LRP1B: variants seen among roughly 807,000 people sequenced by gnomAD.
LRP1B encodes the protein low-density lipoprotein receptor-related protein 1B.
Under a neutral mutation model 556.6 loss-of-function variants are expected in LRP1B, and 217 were observed. The ratio of observed to expected loss-of-function variants is 0.39; its 90% confidence interval spans 0.35 to 0.44. The LOEUF (loss-of-function observed/expected upper bound fraction) is 0.44. Among genes scored for constraint, LRP1B ranks in the 20% least tolerant of loss-of-function variants. The pLI, the probability that LRP1B is intolerant of heterozygous loss-of-function variation, is 1.00. For synonymous variants in LRP1B, 2,047 were observed against 1,865.8 expected (o/e 1.10, Z -2.50); for missense variants, 5,053 against 5,620.8 (o/e 0.90, Z 3.23).
chr2:141,121,327 C>T (rs1331900152), intron 7 of LRP1B, among the ~76,000 whole-genome samples: 1 of 152,014 alleles, frequency 6.6e-6, no homozygotes, highest in Non-Finnish European at 1.5e-5. Flanking sequence ...TCATCCCATC[C>T]AACCTTCATC....
chr2:141,044,012 T>A (rs1698788176), intron 11 of LRP1B, among the ~76,000 whole-genome samples: 1 of 151,866 alleles, frequency 6.6e-6, no homozygotes, highest in African/African-American at 2.4e-5. Context: ...CTACCTGACT[T>A]CAAACTATAC....
chr2:141,419,993 G>A lies in LRP1B; in HGVS notation c.343+60403C>T, dbSNP rs115204662. Among the ~76,000 whole-genome samples the A allele has an allele frequency of 3.2e-3, 481 of 152,230 alleles. 2 individuals are homozygous for A. Among genetic ancestry groups the A allele is most frequent in the African/African-American group, 0.011 (459 of 41,526 alleles). On this transcript the variant is annotated intron_variant, in intron 3 of 90. Transcript: ENST00000389484. ...GAAAAGTGTGTATTCTGCTGCTGTT[G>A]GGTGGATTGTTCTGTGTATGTTTGT... is the stretch of plus-strand genomic sequence containing the variant.
chr2:141,658,494 T>C (rs545484345), intron 2 of LRP1B, among the ~76,000 whole-genome samples: 30 of 152,178 alleles, frequency 2.0e-4, no homozygotes, highest in Non-Finnish European at 3.7e-4. Context: ...GGTCTCCTTG[T>C]TGTCCCTGAG....
intron 4 of LRP1B, among the ~76,000 whole-genome samples, chr2:141,247,773 G>A (rs899955349): frequency 3.3e-5 from 5 of 152,288 alleles, no homozygotes; most frequent in Non-Finnish European, 7.4e-5. Flanking sequence ...GCCACACTAT[G>A]CAAATCACAC....
chr2:141,256,570 A>G (rs1684473831), intron 3 of LRP1B, among the ~76,000 whole-genome samples: 1 of 152,102 alleles, frequency 6.6e-6, no homozygotes, highest in Non-Finnish European at 1.5e-5. Context: ...AAGAAAAGCT[A>G]TCTAAGTGAC....
chr2:141,951,991 CCCT>C (rs888501387), intron 1 of LRP1B, among the ~76,000 whole-genome samples: 8 of 108,642 alleles, frequency 7.4e-5, no homozygotes, highest in Admixed American at 2.3e-4. Flanking sequence ...TATCCCTCCC[CCCT>C]CCCCTCTCCC....
intron 3 of LRP1B, among the ~76,000 whole-genome samples, chr2:141,275,876 C>G (rs1211734265): frequency 6.6e-6 from 1 of 151,932 alleles, no homozygotes; most frequent in Non-Finnish European, 1.5e-5. Context: ...TTAAGCTTTA[C>G]AGAACAATTT....
chr2:141,107,959 T>C (rs1242363934), intron 7 of LRP1B, among the ~76,000 whole-genome samples: 1 of 152,140 alleles, frequency 6.6e-6, no homozygotes, highest in African/African-American at 2.4e-5. Flanking sequence ...AAAAGTATGG[T>C]GCTACCAAGT....
At chr2:141,205,589 G>A (rs1187767846) in intron 6 of LRP1B, among the ~76,000 whole-genome samples, 7 of 152,034 alleles carry the variant, frequency 4.6e-5, no homozygotes, top group Non-Finnish European at 8.8e-5. Flanking sequence ...AGGAGTAATC[G>A]CAAACTTAAT....
At position 140,827,864 on chromosome 2, in the gene LRP1B, A is replaced by G. The variant is rs556454491; in HGVS notation, c.5209+12127T>C. Among the ~76,000 whole-genome samples, 6 of 152,290 alleles carry G rather than the reference A, an allele frequency of 3.9e-5. No individual in the cohort carries two copies. In the East Asian group the frequency reaches 1.2e-3, roughly 29 times the overall value. On this transcript the variant is annotated intron_variant, in intron 31 of 90. Coordinates refer to ENST00000389484, the MANE Select transcript of LRP1B (RefSeq NM_018557.3). ...AAGACAAAGCAAGGATCCTAAAAGCATCAAGAGATAAGAAGCAAATAACAC... is the reference window on the plus strand; with the variant it reads ...AAGACAAAGCAAGGATCCTAAAAGCGTCAAGAGATAAGAAGCAAATAACAC...
chr2:141,934,771 C>T (rs908257111), intron 1 of LRP1B, among the ~76,000 whole-genome samples: 5 of 152,130 alleles, frequency 3.3e-5, no homozygotes, highest in African/African-American at 7.2e-5. Flanking sequence ...TGAATAAGGA[C>T]GTGTTTGCTT....
intron 3 of LRP1B, among the ~76,000 whole-genome samples, chr2:141,395,340 T>A (rs751090893): frequency 1.4e-4 from 22 of 152,114 alleles, no homozygotes; most frequent in Non-Finnish European, 3.1e-4. Context: ...TTTTTCTAAG[T>A]TTATATATGT....
chr2:141,336,711 A>G (rs1210285871), intron 3 of LRP1B, among the ~76,000 whole-genome samples: 3 of 152,186 alleles, frequency 2.0e-5, no homozygotes, highest in African/African-American at 4.8e-5. Context: ...CTTTCTAGTC[A>G]TAATTTCTCC....
chr2:140,547,405 A>C, intron 43 of LRP1B, among the ~76,000 whole-genome samples: 1 of 151,918 alleles, frequency 6.6e-6, no homozygotes, highest in East Asian at 1.9e-4. Context: ...TCCAGGAATT[A>C]ATCTATTTAT....
intron 77 of LRP1B, among the ~76,000 whole-genome samples, chr2:140,338,131 A>G (rs1279389120): frequency 1.3e-5 from 2 of 151,802 alleles, no homozygotes; most frequent in Non-Finnish European, 2.9e-5. Flanking sequence ...GAGCCATTTA[A>G]TATATACATT....
intron 18 of LRP1B, among the ~76,000 whole-genome samples, chr2:140,981,050 G>A (rs1013873321): frequency 6.6e-5 from 10 of 151,624 alleles, no homozygotes; most frequent in South Asian, 4.2e-4. Context: ...CTATGAGGAC[G>A]CAAATGCATA....
intron 18 of LRP1B, 72 bp from the exon 19 acceptor site, chr2:140,952,012 A>T: frequency 1.8e-6 from 2 of 1,090,540 alleles, no homozygotes; most frequent in Non-Finnish European, 2.8e-6. Context: ...GTATCATCTG[A>T]TAATGTGATC....
intron 59 of LRP1B, among the ~76,000 whole-genome samples, chr2:140,479,792 T>C (rs777652571): frequency 2.0e-4 from 31 of 152,236 alleles, no homozygotes; most frequent in Non-Finnish European, 4.0e-4. Context: ...GTTTTTCTTA[T>C]GTGAATATAT....
intron 35 of LRP1B, among the ~76,000 whole-genome samples, chr2:140,735,063 G>C (rs1217788335): frequency 6.6e-6 from 1 of 152,180 alleles, no homozygotes; most frequent in Non-Finnish European, 1.5e-5. Flanking sequence ...AGTGGGCTGA[G>C]AAAATAAACA....
Sources: allele counts gnomAD v4.1 joint callset (sites outside exome capture counted in the v4.1 genomes callset), GRCh38; gene constraint gnomAD v4.1.1; transcripts MANE v1.5; gene names NCBI Gene and HGNC (gene_info 2026-07-23, HGNC 2026-07-21).